The following GPM6A variants were observed in gnomAD, a reference collection of about 807,000 sequenced individuals.
GPM6A encodes the protein neuronal membrane glycoprotein M6-a.
Under a neutral mutation model 32.1 loss-of-function variants are expected in GPM6A, and 7 were observed. The ratio of observed to expected loss-of-function variants is 0.22; its 90% confidence interval spans 0.12 to 0.41. The LOEUF (loss-of-function observed/expected upper bound fraction) is 0.41, where lower values mean the gene tolerates loss of function less well. GPM6A is among the 10% of genes least tolerant of loss of function. GPM6A has a pLI of 1.00. For missense variants in GPM6A, 235 were observed against 347.2 expected (o/e 0.68, Z 2.57); for synonymous variants, 130 against 123.4 (o/e 1.05, Z -0.35).
At chr4:175,903,923 G>T (rs905934690) in intron 1 of GPM6A, among the ~76,000 whole-genome samples, 2 of 152,026 alleles carry the variant, frequency 1.3e-5, no homozygotes, top group East Asian at 3.9e-4. Flanking sequence ...ACGCCAAAAT[G>T]GGATCATTGT....
At chr4:175,785,410 T>G (rs944453879) in intron 1 of GPM6A, among the ~76,000 whole-genome samples, 4 of 152,160 alleles carry the variant, frequency 2.6e-5, no homozygotes, top group Admixed American at 1.3e-4. Context: ...CTGTGAAAAA[T>G]AATAAATTAA....
At position 175,827,271 on chromosome 4, in the gene GPM6A, AGAC is replaced by A. The variant is rs1481834529; in HGVS notation, c.-22-15025_-22-15023del. ...GTCAACTATATTTAGTAGCTCAGTA[AGAC>A]CACCCGATATAACTCATGTAATAAT... On this transcript the variant is annotated intron_variant, in intron 1 of 7. Transcript: ENST00000280187. 4.6e-5 allele frequency among the ~76,000 whole-genome samples: 7 copies of A among 152,358 alleles called. No individual in the cohort carries two copies. In the East Asian group the frequency reaches 1.3e-3, roughly 29 times the overall value.
chr4:175,874,074 G>T (rs1308101551), intron 1 of GPM6A, among the ~76,000 whole-genome samples: 1 of 152,108 alleles, frequency 6.6e-6, no homozygotes, highest in Non-Finnish European at 1.5e-5. Flanking sequence ...AGTGTAAAAA[G>T]AAAATGGTAA....
rs190629997 is a variant in GPM6A, at chr4:175,962,120, T to C, written c.-23+40189A>G. ...CAATAGTAGCCCATGCTGTGCACCATCCGGACCCAGTGACAATGTTACAGG... is the reference window on the plus strand; with the variant it reads ...CAATAGTAGCCCATGCTGTGCACCACCCGGACCCAGTGACAATGTTACAGG... On this transcript the variant is annotated intron_variant, in intron 1 of 7. Transcript: ENST00000280187. 6.6e-5 allele frequency: 51 copies of C among 768,558 alleles called. No homozygotes were observed. In the East Asian group the frequency reaches 1.2e-3, roughly 19 times the overall value. The allele number at this position is 768,558 out of a possible 1,614,324, so 47.6% of individuals were successfully genotyped here.
intron 1 of GPM6A, among the ~76,000 whole-genome samples, chr4:175,703,321 G>A (rs77487955): frequency 0.064 from 9,666 of 151,972 alleles, 582 homozygotes; most frequent in East Asian, 0.35. Flanking sequence ...ACTGGCGCAC[G>A]TCACCACACC....
intron 4 of GPM6A, among the ~76,000 whole-genome samples, chr4:175,650,539 A>T (rs2110916084): frequency 6.6e-6 from 1 of 152,212 alleles, no homozygotes; most frequent in Middle Eastern, 3.4e-3. Context: ...TCCTGACCTT[A>T]GGTGATGTGC....
chr4:175,669,159 A>ATT (rs1331694410), intron 3 of GPM6A, among the ~76,000 whole-genome samples: 1 of 152,246 alleles, frequency 6.6e-6, no homozygotes, highest in Non-Finnish European at 1.5e-5. Flanking sequence ...AATATTTCCC[A>ATT]TTATTATTAC....
intron 1 of GPM6A, among the ~76,000 whole-genome samples, chr4:175,732,846 G>A (rs1731491981): frequency 6.6e-6 from 1 of 152,022 alleles, no homozygotes. Flanking sequence ...TAAATTTTGA[G>A]GAGATTTAAC....
chr4:175,973,680 C>G (rs892228513), intron 1 of GPM6A, among the ~76,000 whole-genome samples: 1 of 152,156 alleles, frequency 6.6e-6, no homozygotes, highest in African/African-American at 2.4e-5. Flanking sequence ...TGACTCAGCT[C>G]CCCTGGCTAG....
chr4:175,881,964 AT>A (rs1737293766), intron 1 of GPM6A, among the ~76,000 whole-genome samples: 1 of 152,180 alleles, frequency 6.6e-6, no homozygotes, highest in Admixed American at 6.5e-5. Flanking sequence ...GGTTGTGCAC[AT>A]GTACCCTAGA....
chr4:175,985,330 G>T (rs180683008), intron 1 of GPM6A, among the ~76,000 whole-genome samples: 90 of 152,228 alleles, frequency 5.9e-4, no homozygotes, highest in African/African-American at 2.1e-3. Context: ...GCTGGGATTA[G>T]TATAAAACTT....
intron 1 of GPM6A, among the ~76,000 whole-genome samples, chr4:175,805,495 C>A (rs1734659967): frequency 6.6e-6 from 1 of 152,100 alleles, no homozygotes; most frequent in African/African-American, 2.4e-5. Flanking sequence ...ACAATATGAA[C>A]AATCTCTTTT....
chr4:175,685,878 A>C (rs1171956347), intron 2 of GPM6A, among the ~76,000 whole-genome samples: 1 of 152,104 alleles, frequency 6.6e-6, no homozygotes, highest in Non-Finnish European at 1.5e-5. Context: ...CATTTTTACT[A>C]ACATAACTTC....
intron 1 of GPM6A, among the ~76,000 whole-genome samples, chr4:175,925,409 T>C (rs1404933741): frequency 1.3e-5 from 2 of 152,224 alleles, no homozygotes; most frequent in African/African-American, 4.8e-5. Flanking sequence ...GTGTCATAAA[T>C]GCTTCAAGTA....
chr4:175,700,350 TA>T (rs1744809550), intron 2 of GPM6A, among the ~76,000 whole-genome samples: 1 of 152,198 alleles, frequency 6.6e-6, no homozygotes, highest in Non-Finnish European at 1.5e-5. Flanking sequence ...AATTTAGCAA[TA>T]TGATATATTC....
At chr4:175,667,121 A>T (rs1742795152) in intron 3 of GPM6A, among the ~76,000 whole-genome samples, 1 of 152,206 alleles carries the variant, frequency 6.6e-6, no homozygotes, top group South Asian at 2.1e-4. Context: ...TATATACAGG[A>T]TGTTTATCAT....
intron 1 of GPM6A, among the ~76,000 whole-genome samples, chr4:175,895,169 T>C (rs56246349): frequency 0.016 from 2,388 of 152,292 alleles, 60 homozygotes; most frequent in African/African-American, 0.054. Flanking sequence ...TGATTCAGTA[T>C]GCCAGTGAAT....
At chr4:175,674,307 A>T (rs1211626832) in intron 2 of GPM6A, among the ~76,000 whole-genome samples, 1 of 152,048 alleles carries the variant, frequency 6.6e-6, no homozygotes, top group East Asian at 1.9e-4. Flanking sequence ...CCTCCCAAGT[A>T]GCTCGGATTA....
chr4:175,980,617 TATA>T (rs1740791935), intron 1 of GPM6A, among the ~76,000 whole-genome samples: 1 of 152,210 alleles, frequency 6.6e-6, no homozygotes, highest in Non-Finnish European at 1.5e-5. Flanking sequence ...TTTGATGGAT[TATA>T]ATAATATTTG....
Sources: gnomAD v4.1 joint callset for allele counts (sites outside exome capture counted in the v4.1 genomes callset) on GRCh38, gnomAD v4.1.1 for gene constraint, MANE v1.5 for transcripts, NCBI Gene and HGNC (gene_info 2026-07-23, HGNC 2026-07-21) for gene names.